Variants in IMMP2L observed in about 807,000 individuals in gnomAD.
The protein encoded by IMMP2L is mitochondrial inner membrane protease subunit 2.
Under a neutral mutation model 19.3 loss-of-function variants are expected in IMMP2L, and 18 were observed. The observed-to-expected ratio is 0.93, with a 90% CI of 0.64 to 1.38. The LOEUF is 1.38. Ranked by LOEUF, IMMP2L falls within the 40% of genes most tolerant of loss-of-function variation. The probability of loss-of-function intolerance (pLI) is 0.00; values close to 1 mark genes in which losing one functional copy is unlikely to be tolerated. For synonymous variants in IMMP2L, 76 were observed against 73.0 expected (o/e 1.04, Z -0.21); for missense variants, 233 against 218.2 (o/e 1.07, Z -0.43).
intron 3 of IMMP2L, among the ~76,000 whole-genome samples, chr7:111,338,238 T>C (rs1488554134): frequency 6.6e-6 from 1 of 152,108 alleles, no homozygotes; most frequent in Admixed American, 6.6e-5. Flanking sequence ...GTAGGAAAGA[T>C]GTGTAGAAGT....
intron 5 of IMMP2L, among the ~76,000 whole-genome samples, chr7:110,717,833 C>T (rs4730451): frequency 0.75 from 113,576 of 152,118 alleles, 42,576 homozygotes; most frequent in East Asian, 0.82. Context: ...TGTTGAAAAC[C>T]GCTTTCACCT....
intron 3 of IMMP2L, among the ~76,000 whole-genome samples, chr7:111,401,680 T>C (rs1833432401): frequency 6.6e-6 from 1 of 152,040 alleles, no homozygotes; most frequent in Admixed American, 6.6e-5. Context: ...CGAAGTCTGA[T>C]TGAGAAAAAT....
At chr7:111,091,844 G>A (rs1483556642) in intron 3 of IMMP2L, among the ~76,000 whole-genome samples, 2 of 151,994 alleles carry the variant, frequency 1.3e-5, no homozygotes, top group African/African-American at 2.4e-5. Flanking sequence ...AGGAGAGGGA[G>A]AGAGAAGGAG....
chr7:111,299,159 G>C (rs1821943045), intron 3 of IMMP2L, among the ~76,000 whole-genome samples: 1 of 152,138 alleles, frequency 6.6e-6, no homozygotes, highest in African/African-American at 2.4e-5. Flanking sequence ...AAGGCACCAA[G>C]ACAGGGTACA....
intron 3 of IMMP2L, among the ~76,000 whole-genome samples, chr7:111,303,009 T>C (rs1289942821): frequency 6.6e-6 from 1 of 152,148 alleles, no homozygotes; most frequent in Admixed American, 6.6e-5. Context: ...TACACTGCCA[T>C]CTTGCCTCCA....
intron 5 of IMMP2L, among the ~76,000 whole-genome samples, chr7:110,816,824 T>C (rs13240905): frequency 2.0e-5 from 3 of 152,012 alleles, no homozygotes; most frequent in Non-Finnish European, 4.4e-5. Flanking sequence ...GCTTGGTAGA[T>C]CTTCCTCCAT....
At chr7:110,842,121 A>G (rs1267896286) in intron 5 of IMMP2L, among the ~76,000 whole-genome samples, 1 of 152,208 alleles carries the variant, frequency 6.6e-6, no homozygotes, top group Non-Finnish European at 1.5e-5. Flanking sequence ...TATGCAGTTC[A>G]GTTATTCAAA....
intron 5 of IMMP2L, among the ~76,000 whole-genome samples, chr7:110,713,142 C>G (rs1795007345): frequency 6.6e-6 from 1 of 152,164 alleles, no homozygotes; most frequent in Non-Finnish European, 1.5e-5. Context: ...GCCAGTTACC[C>G]CAGCACCATT....
At chr7:110,778,279 TAAAG>T (rs1488599033) in intron 5 of IMMP2L, among the ~76,000 whole-genome samples, 11 of 151,928 alleles carry the variant, frequency 7.2e-5, no homozygotes, top group African/African-American at 2.7e-4. Flanking sequence ...ATATAAAACT[TAAAG>T]AAAAGAGTGT....
At chr7:110,867,783 C>G (rs1808128877) in intron 5 of IMMP2L, among the ~76,000 whole-genome samples, 1 of 151,938 alleles carries the variant, frequency 6.6e-6, no homozygotes, top group Admixed American at 6.6e-5. Flanking sequence ...AGTAGGGGAG[C>G]CTCAAGCTCT....
At chr7:111,128,263 T>C (rs1299271455) in intron 3 of IMMP2L, among the ~76,000 whole-genome samples, 4 of 152,214 alleles carry the variant, frequency 2.6e-5, no homozygotes, top group African/African-American at 4.8e-5. Flanking sequence ...CTAAAACTTA[T>C]ATTCTACTAG....
At chr7:110,750,996 A>G (rs1005395766) in intron 5 of IMMP2L, among the ~76,000 whole-genome samples, 1 of 152,140 alleles carries the variant, frequency 6.6e-6, no homozygotes, top group Non-Finnish European at 1.5e-5. Flanking sequence ...GAAATGATAA[A>G]AGCAATTTCA....
chr7:111,414,202 C>T (rs1834740604), intron 3 of IMMP2L, among the ~76,000 whole-genome samples: 1 of 151,764 alleles, frequency 6.6e-6, no homozygotes, highest in Admixed American at 6.6e-5. Context: ...CTCCTGTTCC[C>T]CTGCAGGAAG....
At chr7:111,239,720 A>G (rs37717) in intron 3 of IMMP2L, among the ~76,000 whole-genome samples, 66,338 of 151,602 alleles carry the variant, frequency 0.44, 15,268 homozygotes, top group Non-Finnish European at 0.52. Flanking sequence ...ACTCTGATCA[A>G]TTTGGCAAAA....
chr7:110,829,267 C>T (rs1220743803), intron 5 of IMMP2L, among the ~76,000 whole-genome samples: 1 of 152,096 alleles, frequency 6.6e-6, no homozygotes, highest in Non-Finnish European at 1.5e-5. Context: ...ACAGACATCA[C>T]CAAATATTTT....
intron 3 of IMMP2L, among the ~76,000 whole-genome samples, chr7:111,309,842 T>G (rs1236432666): frequency 6.6e-6 from 1 of 152,190 alleles, no homozygotes; most frequent in Non-Finnish European, 1.5e-5. Context: ...TTACTATTAC[T>G]ATTCATGTAT....
At chr7:111,301,676 T>C (rs774829232) in intron 3 of IMMP2L, among the ~76,000 whole-genome samples, 1 of 152,054 alleles carries the variant, frequency 6.6e-6, no homozygotes, top group Non-Finnish European at 1.5e-5. Flanking sequence ...TACCTGTGAA[T>C]GTCCAGTTTC....
intron 3 of IMMP2L, among the ~76,000 whole-genome samples, chr7:111,257,773 TTTTC>T (rs747926753): frequency 2.0e-5 from 3 of 151,996 alleles, no homozygotes; most frequent in African/African-American, 4.8e-5. Context: ...TTAAACACCT[TTTTC>T]TTTTTCTTTT....
intron 2 of IMMP2L, among the ~76,000 whole-genome samples, chr7:111,511,324 G>T (rs560089867): frequency 1.3e-5 from 2 of 152,024 alleles, no homozygotes; most frequent in African/African-American, 4.8e-5. Context: ...AGGGAATCCT[G>T]CAACCTGTAG....
Sources: gnomAD v4.1 joint callset for allele counts (sites outside exome capture counted in the v4.1 genomes callset) on GRCh38, gnomAD v4.1.1 for gene constraint, MANE v1.5 for transcripts, NCBI Gene and HGNC (gene_info 2026-07-23, HGNC 2026-07-21) for gene names.